Variants in KLHL13 observed in about 807,000 individuals in gnomAD.
KLHL13 encodes kelch-like protein 13.
In KLHL13, 10 loss-of-function variants were observed where a neutral mutation model predicts 37.1. The observed-to-expected ratio is 0.27, with a 90% CI of 0.17 to 0.46. KLHL13 has a LOEUF of 0.46. Among genes scored for constraint, KLHL13 ranks in the 20% least tolerant of loss-of-function variants. The pLI is 1.00. For missense variants in KLHL13, 360 were observed against 509.3 expected, an observed-to-expected ratio of 0.71 and a Z score of 2.82; for synonymous variants, 163 against 181.2, an observed-to-expected ratio of 0.90 and a Z score of 0.81.
In KLHL13 at chrX:117,899,413, T is replaced by C; in HGVS notation, c.1481-18A>G. Reference sequence around the variant, plus strand: ...AATTCCTCCTAAAGAATGAAAACAATAGTTTTGAAGTAAATAATTATAGAA... The same window carrying C: ...AATTCCTCCTAAAGAATGAAAACAACAGTTTTGAAGTAAATAATTATAGAA... On this transcript the variant is annotated intron_variant, in intron 6 of 6. Coordinates refer to ENST00000262820, the Ensembl canonical transcript of KLHL13. 1 of 1,158,129 alleles carries C rather than the reference T, an allele frequency of 8.6e-7. No homozygotes were observed. Among genetic ancestry groups the C allele is most frequent in the Non-Finnish European group, 1.2e-6 (1 of 863,455 alleles).
intron 1 of KLHL13, among the ~76,000 whole-genome samples, chrX:118,036,652 A>C (rs369193686): frequency 2.4e-4 from 27 of 111,597 alleles, no homozygotes; most frequent in African/African-American, 7.5e-4. Flanking sequence ...AGAAGAAAAC[A>C]TAGGCATTAC....
exon 4 of KLHL13, chrX:117,919,625 T>G: frequency 3.3e-6 from 4 of 1,208,128 alleles, no homozygotes; most frequent in Non-Finnish European, 4.5e-6. Flanking sequence ...AGAGAAAGCT[T>G]TGCAGTATAA....
At chrX:118,017,119 A>T (rs73597416) in intron 1 of KLHL13, among the ~76,000 whole-genome samples, 2,972 of 110,716 alleles carry the variant, frequency 0.027, 98 homozygotes, top group African/African-American at 0.092. Flanking sequence ...AGATCACATC[A>T]CTCTTCTGTT....
chrX:117,982,841 C>A (rs2053678712), intron 1 of KLHL13, among the ~76,000 whole-genome samples: 1 of 111,492 alleles, frequency 9.0e-6, no homozygotes, highest in Non-Finnish European at 1.9e-5. Context: ...CCTGCCTTAG[C>A]ATATGAACAC....
intron 1 of KLHL13, among the ~76,000 whole-genome samples, chrX:118,020,314 G>C (rs2054188925): frequency 9.0e-6 from 1 of 111,520 alleles, no homozygotes; most frequent in African/African-American, 3.3e-5. Flanking sequence ...TGGTGTATAA[G>C]AATACTTGTG....
chrX:118,087,677 A>G (rs914269438), intron 1 of KLHL13, among the ~76,000 whole-genome samples: 8 of 111,681 alleles, frequency 7.2e-5, no homozygotes, highest in Non-Finnish European at 1.9e-5. Flanking sequence ...ACATTTCAAA[A>G]AACTTTATCC....
intron 1 of KLHL13, among the ~76,000 whole-genome samples, chrX:118,109,117 A>G (rs1210620748): frequency 8.9e-6 from 1 of 111,905 alleles, no homozygotes; most frequent in East Asian, 2.8e-4. Flanking sequence ...CGTCAGGCCT[A>G]ATAACCTCTA....
chrX:117,991,829 T>C (rs955986948), intron 1 of KLHL13, among the ~76,000 whole-genome samples: 7 of 104,409 alleles, frequency 6.7e-5, no homozygotes, highest in Non-Finnish European at 1.4e-4. Flanking sequence ...TCTCAAAATA[T>C]CTTCTCCTAC....
chrX:118,105,219 T>C (rs1446943835), intron 1 of KLHL13, among the ~76,000 whole-genome samples: 4 of 112,607 alleles, frequency 3.6e-5, no homozygotes, highest in Non-Finnish European at 7.5e-5. Flanking sequence ...CCTCATCTGA[T>C]CATTTCTCTT....
chrX:118,087,404 C>T (rs139184288), intron 1 of KLHL13, among the ~76,000 whole-genome samples: 15,052 of 108,234 alleles, frequency 0.14, 1,380 homozygotes, highest in African/African-American at 0.32. Flanking sequence ...TATATATATA[C>T]ACATATATAT....
At chrX:118,091,744 C>T (rs1335516813) in intron 1 of KLHL13, among the ~76,000 whole-genome samples, 1 of 110,598 alleles carries the variant, frequency 9.0e-6, no homozygotes, top group East Asian at 2.9e-4. Context: ...GATAAGAAAC[C>T]TACAGAATCG....
chrX:118,019,319 G>A (rs1371633476), intron 1 of KLHL13, among the ~76,000 whole-genome samples: 5 of 110,829 alleles, frequency 4.5e-5, no homozygotes, highest in Non-Finnish European at 7.6e-5. Flanking sequence ...CATATCCTTC[G>A]CCCACTTTTT....
chrX:117,927,513 A>AT (rs1932144435), intron 2 of KLHL13, among the ~76,000 whole-genome samples: 1 of 112,314 alleles, frequency 8.9e-6, no homozygotes, highest in Non-Finnish European at 1.9e-5. Flanking sequence ...AGCAGGGAAA[A>AT]TAAGGTCCCA....
intron 1 of KLHL13, among the ~76,000 whole-genome samples, chrX:118,036,897 G>GA (rs2054450389): frequency 9.8e-6 from 1 of 101,887 alleles, no homozygotes; most frequent in South Asian, 4.8e-4. Context: ...AAATTTACAA[G>GA]AAAAAAACAA....
intron 1 of KLHL13, among the ~76,000 whole-genome samples, chrX:117,965,683 G>A (rs1428934967): frequency 9.0e-6 from 1 of 111,406 alleles, no homozygotes; most frequent in East Asian, 2.8e-4. Context: ...GAATCCAGCA[G>A]CACATCAAAA....
At chrX:117,950,597 C>A (rs1933544173) in intron 1 of KLHL13, among the ~76,000 whole-genome samples, 1 of 111,533 alleles carries the variant, frequency 9.0e-6, no homozygotes, top group Non-Finnish European at 1.9e-5. Context: ...TATACAGGAA[C>A]AACAACAATA....
At chrX:118,041,751 A>G (rs138668748) in intron 1 of KLHL13, among the ~76,000 whole-genome samples, 129 of 111,787 alleles carry the variant, frequency 1.2e-3, no homozygotes, top group Non-Finnish European at 2.2e-3. Flanking sequence ...TAAAAAATTA[A>G]CATATACAAC....
At chrX:118,033,024 G>C (rs963912671) in intron 1 of KLHL13, among the ~76,000 whole-genome samples, 4 of 111,023 alleles carry the variant, frequency 3.6e-5, no homozygotes, top group African/African-American at 1.3e-4. Flanking sequence ...AATGAAGTGA[G>C]AAGGGAAGTT....
At chrX:118,073,041 C>A (rs1569309278) in intron 1 of KLHL13, among the ~76,000 whole-genome samples, 1 of 109,017 alleles carries the variant, frequency 9.2e-6, no homozygotes, top group African/African-American at 3.3e-5. Context: ...CTTCAGCGAA[C>A]CAAGACTGTG....
Sources: gnomAD v4.1 joint callset for allele counts (sites outside exome capture counted in the v4.1 genomes callset) on GRCh38, gnomAD v4.1.1 for gene constraint, MANE v1.5 for transcripts, NCBI Gene and HGNC (gene_info 2026-07-23, HGNC 2026-07-21) for gene names.